Variants in SLC6A6 observed in about 807,000 individuals in gnomAD.
SLC6A6 encodes the protein sodium- and chloride-dependent taurine transporter.
Under a neutral mutation model 68.8 loss-of-function variants are expected in SLC6A6, and 16 were observed. The observed-to-expected ratio is 0.23, with a 90% CI of 0.16 to 0.35. The LOEUF is 0.35. Ranked by LOEUF, SLC6A6 falls within the 10% of genes least tolerant of loss-of-function variation. The pLI is 1.00. For synonymous variants in SLC6A6, 312 were observed against 315.4 expected (o/e 0.99, Z 0.12); for missense variants, 474 against 802.8 (o/e 0.59, Z 4.95).
chr3:14,432,161 C>T (rs896675726), intron 2 of SLC6A6, among the ~76,000 whole-genome samples: 1 of 152,202 alleles, frequency 6.6e-6, no homozygotes, highest in Non-Finnish European at 1.5e-5. Flanking sequence ...CTGCCCTCTG[C>T]TTTTCATAGC....
In SLC6A6 at chr3:14,441,288, A is replaced by G. The variant is rs924702036; in HGVS notation, c.-11-2336A>G. On this transcript the variant is annotated intron_variant, in intron 2 of 14. Coordinates refer to ENST00000622186, the MANE Select transcript of SLC6A6 (RefSeq NM_003043.6). ...CTTCACTCGGAGGGAGTTGAGTCTC[A>G]CATCCTCCAATTATGCGCCCACCGA... Among the ~76,000 whole-genome samples, 4 of 151,724 alleles carry G rather than the reference A, an allele frequency of 2.6e-5. No homozygotes were observed. In the South Asian group the frequency reaches 6.3e-4, roughly 24 times the overall value.
chr3:14,414,396 T>A (rs1574909084), intron 1 of SLC6A6, among the ~76,000 whole-genome samples: 1 of 151,796 alleles, frequency 6.6e-6, no homozygotes, highest in Admixed American at 6.6e-5. Context: ...GGAGGTGGGG[T>A]CAGTCCATCT....
At chr3:14,411,984 T>A (rs1440013461) in intron 1 of SLC6A6, among the ~76,000 whole-genome samples, 1 of 152,244 alleles carries the variant, frequency 6.6e-6, no homozygotes, top group African/African-American at 2.4e-5. Flanking sequence ...AGGCTTAGAA[T>A]ACCCCTGTCC....
Position 14,415,719 on chromosome 3 carries a change from C to G in SLC6A6, c.-53-693C>G, listed in dbSNP as rs73815260. On this transcript the variant is annotated intron_variant, in intron 1 of 14. Coordinates refer to ENST00000622186, the MANE Select transcript of SLC6A6 (RefSeq NM_003043.6). ...ACTGAAAAAGACAACAGAACCCCCC[C>G]GCTCCAAAAAAAGTCTTCTGGGTTA... Among the ~76,000 whole-genome samples the G allele has an allele frequency of 2.3e-3, 343 of 152,200 alleles. 2 individuals are homozygous for G. The highest frequency in any genetic ancestry group is 7.9e-3 in the African/African-American group (327 of 41,536).
At position 14,459,160 on chromosome 3, in the gene SLC6A6, C is replaced by T. The variant is rs186655923; in HGVS notation, c.732+1078C>T. On this transcript the variant is annotated intron_variant, in intron 6 of 14. Coordinates refer to ENST00000622186, the MANE Select transcript of SLC6A6 (RefSeq NM_003043.6). ...CTGCCTTTAGATAGTGCCCTGTCAA[C>T]GCTTTCCCCAGTGACTCACATCCCA... Among the ~76,000 whole-genome samples, 280 of 152,312 alleles carry T rather than the reference C, an allele frequency of 1.8e-3. 3 individuals are homozygous for T. Among genetic ancestry groups the T allele is most frequent in the Non-Finnish European group, 1.1e-3 (76 of 68,020 alleles).
chr3:14,478,720 C>A, intron 12 of SLC6A6, 152 bp downstream of exon 12: 1 of 640,104 alleles, frequency 1.6e-6, no homozygotes, highest in South Asian at 1.8e-5. Context: ...CTCACTGTAG[C>A]CACACTGAAG....
At chr3:14,443,060 C>G (rs1700028201) in intron 2 of SLC6A6, among the ~76,000 whole-genome samples, 1 of 152,198 alleles carries the variant, frequency 6.6e-6, no homozygotes, top group Non-Finnish European at 1.5e-5. Flanking sequence ...GCCTGAAACC[C>G]CATTCCTCGT....
chr3:14,410,197 A>T (rs938446388), intron 1 of SLC6A6, among the ~76,000 whole-genome samples: 1 of 146,902 alleles, frequency 6.8e-6, no homozygotes, highest in Non-Finnish European at 1.5e-5. Flanking sequence ...AAAAAAAAAA[A>T]GCCATTGTTC....
At chr3:14,457,081 C>T (rs1700385649) in intron 5 of SLC6A6, among the ~76,000 whole-genome samples, 1 of 152,194 alleles carries the variant, frequency 6.6e-6, no homozygotes. Flanking sequence ...ATGCTGTCAT[C>T]CATAAGAATG....
Position 14,466,721 on chromosome 3 carries a change from G to A in SLC6A6, c.867+71G>A. ...GGGCCGGCACAGGACAGGGCAGGAT[G>A]TAGAGGCCACTGGCAGCACATCTTC... is the stretch of plus-strand genomic sequence containing the variant. On this transcript the variant is annotated intron_variant, in intron 7 of 14. Coordinates refer to ENST00000622186, the MANE Select transcript of SLC6A6 (RefSeq NM_003043.6). The A allele has an allele frequency of 4.3e-6, 6 of 1,401,940 alleles. No homozygotes were observed. The South Asian group carries it at 7.1e-5, about 16-fold the overall frequency. 86.8% of individuals were successfully genotyped at this position (1,401,940 alleles called of 1,614,324 possible).
rs1313337867 is a variant in SLC6A6 at position 14,459,971 on chromosome 3, C to A, written c.732+1889C>A. On this transcript the variant is annotated intron_variant, in intron 6 of 14. Coordinates refer to ENST00000622186, the MANE Select transcript of SLC6A6 (RefSeq NM_003043.6). ...GAAATGCAGTGGCTTGATCTCAGCT[C>A]ACTTTCTGGGCTCAAGCCATCCTCA... Among the ~76,000 whole-genome samples the A allele has an allele frequency of 4.0e-5, 6 of 148,278 alleles. No homozygotes were observed. The East Asian group carries it at 6.1e-4, about 15-fold the overall frequency.
At chr3:14,446,074 C>T (rs1302669601) in intron 4 of SLC6A6, among the ~76,000 whole-genome samples, 1 of 152,224 alleles carries the variant, frequency 6.6e-6, no homozygotes, top group African/African-American at 2.4e-5. Context: ...AGTAGCTGCT[C>T]AGTAAGGCCC....
chr3:14,445,775 C>G lies in SLC6A6; in HGVS notation c.288C>G (p.Phe96Leu), dbSNP rs1363070760. 6.2e-7 allele frequency: 1 copy of G among 1,614,016 alleles called. No individual in the cohort carries two copies. Among genetic ancestry groups the G allele is most frequent in the African/African-American group, 1.3e-5 (1 of 74,936 alleles). Residue 96 changes from phenylalanine to leucine, a missense_variant, in exon 4 of 15, where the codon TTC becomes TTG. Physicochemically the swap from Phe to Leu is conservative, Grantham distance 22 (BLOSUM62 0). Coordinates refer to ENST00000622186, the MANE Select transcript of SLC6A6 (RefSeq NM_003043.6). ...FLFGSGLPVF[F>L]LEIIIGQYTS... ...TTGGGAGCGGCCTGCCTGTGTTTTT[C>G]TTGGAGATCATCATAGGCCAGTACA...
At chr3:14,403,592 A>T (rs1000738406) in intron 1 of SLC6A6, among the ~76,000 whole-genome samples, 2 of 152,134 alleles carry the variant, frequency 1.3e-5, no homozygotes, top group Non-Finnish European at 2.9e-5. Context: ...CATGCACTCC[A>T]TAGGTGGTGT....
chr3:14,446,755 GA>G (rs1184966929), intron 4 of SLC6A6, among the ~76,000 whole-genome samples: 1 of 152,236 alleles, frequency 6.6e-6, no homozygotes, highest in Non-Finnish European at 1.5e-5. Flanking sequence ...GGGTTGCTAT[GA>G]AGACAAAATG....
In SLC6A6 at chr3:14,468,451, T is replaced by C. The variant is rs1437472903; in HGVS notation, c.1096+239T>C. Reference sequence around the variant, plus strand: ...GGCAAAAGCATGGGGGGTGGTTAAGTTGGGGAATTTTTAGCTACCTTAGTG... The same window carrying C: ...GGCAAAAGCATGGGGGGTGGTTAAGCTGGGGAATTTTTAGCTACCTTAGTG... On this transcript the variant is annotated intron_variant, in intron 9 of 14. Coordinates refer to ENST00000622186, the MANE Select transcript of SLC6A6 (RefSeq NM_003043.6). The surrounding 1 kb of genome is among the most constrained non-coding windows in gnomAD (Gnocchi z 4.5). 6.6e-6 allele frequency among the ~76,000 whole-genome samples: 1 copy of C among 151,354 alleles called. No individual in the cohort carries two copies. The highest frequency in any genetic ancestry group is 2.4e-5 in the African/African-American group (1 of 41,056).
chr3:14,454,767 C>T (rs1700333287), intron 5 of SLC6A6, among the ~76,000 whole-genome samples: 1 of 152,182 alleles, frequency 6.6e-6, no homozygotes, highest in African/African-American at 2.4e-5. Flanking sequence ...ATCCCCCTCC[C>T]CCACACAGGC....
At chr3:14,437,576 T>G (rs1255655558) in intron 2 of SLC6A6, among the ~76,000 whole-genome samples, 1 of 152,204 alleles carries the variant, frequency 6.6e-6, no homozygotes, top group Non-Finnish European at 1.5e-5. Context: ...GCCAATTAAC[T>G]TACGTATCAC....
intron 2 of SLC6A6, among the ~76,000 whole-genome samples, chr3:14,417,507 A>T (rs191542596): frequency 6.6e-6 from 1 of 152,114 alleles, no homozygotes; most frequent in Middle Eastern, 3.2e-3. Flanking sequence ...CAAGGTGGGC[A>T]GATCACGAGG....
Sources: gnomAD v4.1 joint callset for allele counts (sites outside exome capture counted in the v4.1 genomes callset) on GRCh38, gnomAD v4.1.1 for gene constraint, Gnocchi (gnomAD v3.1) non-coding constraint, MANE v1.5 for transcripts, NCBI Gene and HGNC (gene_info 2026-07-23, HGNC 2026-07-21) for gene names.